The following VCAN variants were observed in gnomAD, a reference collection of about 807,000 sequenced individuals.
VCAN encodes versican, also known as versican core protein.
Under a neutral mutation model 245.5 loss-of-function variants are expected in VCAN, and 44 were observed. That is an observed-to-expected ratio of 0.18 (90% confidence interval 0.14 to 0.23). The LOEUF (loss-of-function observed/expected upper bound fraction) is 0.23. Among genes scored for constraint, VCAN ranks in the 10% least tolerant of loss-of-function variants. VCAN has a pLI of 1.00. For synonymous variants in VCAN, 1,413 were observed against 1,437.0 expected (o/e 0.98, Z 0.38); for missense variants, 3,793 against 4,057.9 (o/e 0.93, Z 1.77).
At chr5:83,570,127 G>A (rs187131414) in intron 12 of VCAN, among the ~76,000 whole-genome samples, 103 of 152,180 alleles carry the variant, frequency 6.8e-4, no homozygotes, top group Non-Finnish European at 2.6e-4. Context: ...GTACTTCAGT[G>A]AGTGTGGTCC....
At chr5:83,484,309 C>T (rs998279107) in intron 2 of VCAN, among the ~76,000 whole-genome samples, 2 of 152,122 alleles carry the variant, frequency 1.3e-5, no homozygotes, top group African/African-American at 2.4e-5. Flanking sequence ...CTATTCATTA[C>T]CCCTCCATCC....
At chr5:83,533,131 TATATGTAGATTTTCTTCTCA>T (rs1258198643) in intron 7 of VCAN, among the ~76,000 whole-genome samples, 1 of 152,176 alleles carries the variant, frequency 6.6e-6, no homozygotes, top group Non-Finnish European at 1.5e-5. Context: ...TTATTTTATT[TATATGTAGATTTTCTTCTCA>T]ATTACTTAAT....
intron 12 of VCAN, among the ~76,000 whole-genome samples, chr5:83,565,393 GT>G (rs1370780272): frequency 7.0e-4 from 6 of 8,610 alleles, no homozygotes; most frequent in Admixed American, 1.8e-3. Flanking sequence ...GTGTAAGGGT[GT>G]GTGTGTGTGT....
chr5:83,531,126 A>G (rs1446910494), intron 7 of VCAN, among the ~76,000 whole-genome samples: 1 of 152,300 alleles, frequency 6.6e-6, no homozygotes, highest in East Asian at 1.9e-4. Flanking sequence ...TAAATAATGT[A>G]AGTATTAAAA....
chr5:83,477,491 T>C (rs1744432566), intron 1 of VCAN, among the ~76,000 whole-genome samples: 1 of 152,004 alleles, frequency 6.6e-6, no homozygotes, highest in African/African-American at 2.4e-5. Flanking sequence ...CTAAAAGAAA[T>C]ATAAGATGAA....
At chr5:83,473,104 G>T (rs1004022215) in intron 1 of VCAN, among the ~76,000 whole-genome samples, 1 of 152,142 alleles carries the variant, frequency 6.6e-6, no homozygotes, top group African/African-American at 2.4e-5. Flanking sequence ...CGGCGCGCGC[G>T]TGTGCCGGGA....
chr5:83,536,912 G>C (rs899699601), intron 7 of VCAN, 95 bp from the exon 8 acceptor site: 45 of 995,716 alleles, frequency 4.5e-5, no homozygotes, highest in South Asian at 1.4e-4. Context: ...ATCCTTCTTT[G>C]TGTGTGTGGG....
At chr5:83,476,672 C>CTG (rs919729271) in intron 1 of VCAN, among the ~76,000 whole-genome samples, 1 of 151,750 alleles carries the variant, frequency 6.6e-6, no homozygotes. Context: ...TATATAAAGT[C>CTG]TGTGTGTGTG....
chr5:83,480,952 C>G (rs897161792), intron 1 of VCAN, among the ~76,000 whole-genome samples: 2 of 151,908 alleles, frequency 1.3e-5, no homozygotes, highest in African/African-American at 4.8e-5. Flanking sequence ...ATTTTATATA[C>G]ATTATTTTAT....
chr5:83,484,158 G>A (rs1744712227), intron 2 of VCAN, among the ~76,000 whole-genome samples: 1 of 152,106 alleles, frequency 6.6e-6, no homozygotes, highest in East Asian at 1.9e-4. Flanking sequence ...CTATCCAAGA[G>A]TTTCACTCAT....
At chr5:83,569,753 T>C (rs1479860612) in intron 12 of VCAN, among the ~76,000 whole-genome samples, 1 of 152,114 alleles carries the variant, frequency 6.6e-6, no homozygotes, top group African/African-American at 2.4e-5. Flanking sequence ...TAGAAAATAT[T>C]GAGCTCCTAA....
At chr5:83,478,679 T>A (rs1744482221) in intron 1 of VCAN, among the ~76,000 whole-genome samples, 1 of 152,350 alleles carries the variant, frequency 6.6e-6, no homozygotes, top group South Asian at 2.1e-4. Context: ...TATTGTATTC[T>A]AAGTGAAAAA....
intron 6 of VCAN, among the ~76,000 whole-genome samples, chr5:83,518,512 T>G (rs1745945212): frequency 6.6e-6 from 1 of 152,228 alleles, no homozygotes; most frequent in African/African-American, 2.4e-5. Context: ...CTTTACTTCC[T>G]GTTCTACATT....
chr5:83,479,834 G>C (rs1252701965), intron 1 of VCAN, among the ~76,000 whole-genome samples: 2 of 152,208 alleles, frequency 1.3e-5, no homozygotes, highest in East Asian at 3.8e-4. Context: ...GGCAGCTAAA[G>C]TCAATAAAGC....
chr5:83,526,951 G>A (rs1181818627), intron 7 of VCAN, among the ~76,000 whole-genome samples: 3 of 152,164 alleles, frequency 2.0e-5, no homozygotes, highest in Non-Finnish European at 2.9e-5. Context: ...ATAGTCAAAC[G>A]AAGGTACACT....
At chr5:83,523,648 A>G (rs1424343070) in intron 7 of VCAN, among the ~76,000 whole-genome samples, 2 of 152,102 alleles carry the variant, frequency 1.3e-5, no homozygotes, top group East Asian at 3.9e-4. Context: ...TTGTCAGTGA[A>G]TAGTAGAGAA....
At chr5:83,561,585 G>A (rs920875192) in intron 12 of VCAN, among the ~76,000 whole-genome samples, 1 of 152,106 alleles carries the variant, frequency 6.6e-6, no homozygotes, top group African/African-American at 2.4e-5. Flanking sequence ...TGATGCACAA[G>A]AATGTCCAGA....
chr5:83,576,031 C>T (rs1046543916), intron 13 of VCAN, among the ~76,000 whole-genome samples: 1 of 152,042 alleles, frequency 6.6e-6, no homozygotes. Flanking sequence ...TTTAAACCTA[C>T]AGACCTAAGT....
At chr5:83,522,345 ATCC>A in intron 7 of VCAN, 36 bp downstream of exon 7, 1 of 1,593,800 alleles carries the variant, frequency 6.3e-7, no homozygotes, top group Admixed American at 1.7e-5. Flanking sequence ...ATTGAAGGCA[ATCC>A]TCATTTTATC....
Sources: gnomAD v4.1 joint callset for allele counts (sites outside exome capture counted in the v4.1 genomes callset) on GRCh38, gnomAD v4.1.1 for gene constraint, MANE v1.5 for transcripts, NCBI Gene and HGNC (gene_info 2026-07-23, HGNC 2026-07-21) for gene names.